MB21D2: variants seen among roughly 807,000 people sequenced by gnomAD.
The protein encoded by MB21D2 is Mab-21 domain containing 2, also known as nucleotidyltransferase MB21D2.
MB21D2 carries 9 observed loss-of-function variants against 33.3 expected under a neutral mutation model. The observed-to-expected ratio is 0.27, with a 90% CI of 0.16 to 0.47. MB21D2 has a LOEUF of 0.47. Ranked by LOEUF, MB21D2 falls within the 20% of genes least tolerant of loss-of-function variation. The pLI is 0.99. For missense variants in MB21D2, 540 were observed against 624.6 expected, an observed-to-expected ratio of 0.86 and a Z score of 1.44; for synonymous variants, 241 against 236.3, an observed-to-expected ratio of 1.02 and a Z score of -0.18.
chr3:192,848,511 T>C (rs775026622), intron 1 of MB21D2, among the ~76,000 whole-genome samples: 1 of 152,232 alleles, frequency 6.6e-6, no homozygotes, highest in African/African-American at 2.4e-5. Context: ...ATATGGGAGA[T>C]AATCTGACTA....
At chr3:192,821,283 T>C (rs2108616422) in intron 1 of MB21D2, among the ~76,000 whole-genome samples, 1 of 152,304 alleles carries the variant, frequency 6.6e-6, no homozygotes, top group South Asian at 2.1e-4. Context: ...CAAAGTTACA[T>C]AGTCAGTGGA....
intron 1 of MB21D2, among the ~76,000 whole-genome samples, chr3:192,836,678 T>A (rs1040145203): frequency 6.6e-6 from 1 of 152,186 alleles, no homozygotes. Flanking sequence ...CCTCCAGAAC[T>A]GTGAGAAAAC....
intron 1 of MB21D2, among the ~76,000 whole-genome samples, chr3:192,813,014 T>C (rs1711824933): frequency 1.3e-5 from 2 of 152,164 alleles, no homozygotes; most frequent in African/African-American, 2.4e-5. Context: ...AATAAAATCT[T>C]TGGGGAAACA....
chr3:192,823,815 T>C (rs1425566284), intron 1 of MB21D2, among the ~76,000 whole-genome samples: 1 of 152,186 alleles, frequency 6.6e-6, no homozygotes, highest in Non-Finnish European at 1.5e-5. Flanking sequence ...TAAAGTTTTT[T>C]AATAAAACTG....
intron 1 of MB21D2, among the ~76,000 whole-genome samples, chr3:192,832,111 TAC>T (rs1712328046): frequency 6.6e-6 from 1 of 152,184 alleles, no homozygotes; most frequent in African/African-American, 2.4e-5. Flanking sequence ...CTTTGATAAA[TAC>T]ACACCCAGGC....
At chr3:192,895,987 A>G (rs1472951686) in intron 1 of MB21D2, among the ~76,000 whole-genome samples, 1 of 152,190 alleles carries the variant, frequency 6.6e-6, no homozygotes, top group Non-Finnish European at 1.5e-5. Context: ...TTTACAGGCA[A>G]CATACTAATT....
At chr3:192,822,893 C>T (rs1712091487) in intron 1 of MB21D2, among the ~76,000 whole-genome samples, 1 of 152,148 alleles carries the variant, frequency 6.6e-6, no homozygotes, top group Non-Finnish European at 1.5e-5. Context: ...ACCCTGGTAT[C>T]AGTCAAGTAT....
chr3:192,874,417 T>A (rs1027153471), intron 1 of MB21D2, among the ~76,000 whole-genome samples: 2 of 152,206 alleles, frequency 1.3e-5, no homozygotes, highest in Non-Finnish European at 2.9e-5. Flanking sequence ...GATACACTAA[T>A]GAAACCTCAC....
At position 192,799,215 on chromosome 3, in the gene MB21D2, T is replaced by C. The variant is rs779875901; in HGVS notation, c.647A>G (p.Asn216Ser). The C allele has an allele frequency of 2.1e-5, 34 of 1,614,034 alleles. No individual in the cohort carries two copies. The highest frequency in any genetic ancestry group is 2.7e-5 in the Non-Finnish European group (32 of 1,179,998). Residue 216 changes from asparagine (N) to serine (S), a missense_variant, in exon 2 of 2, where the codon AAT becomes AGT. Asn to Ser is a conservative substitution (Grantham distance 46). Coordinates refer to ENST00000392452, the MANE Select transcript of MB21D2 (RefSeq NM_178496.4). This position sits in a 1 kb window ranked among gnomAD's most constrained non-coding sequence, Gnocchi z 4.1. ...CAGAATGATGGAGATGATGGTCCCA[T>C]TTTTTTCCACCTTTTCTACCTTTGG... is the stretch of plus-strand genomic sequence containing the variant. ...GMPKVEKVEK[N>S]GTIISIILGV... is the part of the protein sequence containing the mutation.
chr3:192,892,800 A>T (rs1713879943), intron 1 of MB21D2, among the ~76,000 whole-genome samples: 1 of 152,136 alleles, frequency 6.6e-6, no homozygotes, highest in Admixed American at 6.5e-5. Context: ...TATTATAGCA[A>T]CTGAAAAGCA....
At chr3:192,871,138 A>G (rs1713287014) in intron 1 of MB21D2, among the ~76,000 whole-genome samples, 1 of 152,220 alleles carries the variant, frequency 6.6e-6, no homozygotes, top group Admixed American at 6.5e-5. Context: ...ACATGGGCAT[A>G]TTCACGAAGG....
intron 1 of MB21D2, among the ~76,000 whole-genome samples, chr3:192,813,797 T>C (rs1203111557): frequency 1.6e-4 from 24 of 152,152 alleles, no homozygotes; most frequent in Non-Finnish European, 7.3e-5. Flanking sequence ...AGTTGTCAAT[T>C]TGTTGTAAGG....
At chr3:192,816,214 T>TC (rs1372097789) in intron 1 of MB21D2, among the ~76,000 whole-genome samples, 2 of 106,502 alleles carry the variant, frequency 1.9e-5, no homozygotes, top group Non-Finnish European at 3.6e-5. Flanking sequence ...AGAGGACAAT[T>TC]TTTTTTTTTA....
chr3:192,816,223 T>TAA lies in MB21D2; in HGVS notation c.212-16575_212-16574dup, dbSNP rs11423810. 2.7e-3 allele frequency among the ~76,000 whole-genome samples: 406 copies of TAA among 150,800 alleles called. 1 individual carries two copies. The highest frequency in any genetic ancestry group is 7.8e-3 in the African/African-American group (320 of 41,114). ...AAGACGAGAGGACAATTTTTTTTTT[T>TAA]AAAAAAAAAGATGGTTCCGACTTGA... On this transcript the variant is annotated intron_variant, in intron 1 of 1. Transcript: ENST00000392452.
At chr3:192,833,047 T>C (rs1308995114) in intron 1 of MB21D2, among the ~76,000 whole-genome samples, 2 of 152,330 alleles carry the variant, frequency 1.3e-5, no homozygotes, top group Admixed American at 1.3e-4. Flanking sequence ...AGACCTTTTT[T>C]TTTTTGGAAG....
At chr3:192,873,329 T>C (rs559607126) in intron 1 of MB21D2, among the ~76,000 whole-genome samples, 9 of 152,328 alleles carry the variant, frequency 5.9e-5, no homozygotes, top group African/African-American at 9.6e-5. Flanking sequence ...CCCTGGAAAC[T>C]TCCCAGCTTC....
intron 1 of MB21D2, among the ~76,000 whole-genome samples, chr3:192,845,582 C>T: frequency 6.6e-6 from 1 of 152,254 alleles, no homozygotes; most frequent in East Asian, 1.9e-4. Context: ...CTCGCCTCAG[C>T]TCTGAATGTT....
intron 1 of MB21D2, among the ~76,000 whole-genome samples, chr3:192,800,507 C>T (rs1361878289): frequency 1.3e-5 from 2 of 152,156 alleles, no homozygotes; most frequent in Admixed American, 6.5e-5. Flanking sequence ...GGTTCTTTAC[C>T]ACTGACATGC....
chr3:192,897,837 C>T (rs944730981), intron 1 of MB21D2, among the ~76,000 whole-genome samples: 3 of 151,978 alleles, frequency 2.0e-5, no homozygotes, highest in African/African-American at 7.3e-5. Flanking sequence ...ACTAAAAATA[C>T]AAAAATTAGC....
Sources: allele counts gnomAD v4.1 joint callset (sites outside exome capture counted in the v4.1 genomes callset), GRCh38; gene constraint gnomAD v4.1.1; non-coding constraint Gnocchi (gnomAD v3.1); transcripts MANE v1.5; gene names NCBI Gene and HGNC (gene_info 2026-07-23, HGNC 2026-07-21).